Variants in ITGAX observed in about 807,000 individuals in gnomAD.
ITGAX encodes integrin alpha-X.
ITGAX carries 99 observed loss-of-function variants against 140.2 expected under a neutral mutation model. The observed-to-expected ratio is 0.71, with a 90% confidence interval of 0.60 to 0.83. The LOEUF is 0.83. Ranked by LOEUF, ITGAX falls within the 40% of genes least tolerant of loss-of-function variation. ITGAX has a pLI of 0.00. For missense variants in ITGAX, 1,444 were observed against 1,482.0 expected, an observed-to-expected ratio of 0.97 and a Z score of 0.42; for synonymous variants, 631 against 600.4, an observed-to-expected ratio of 1.05 and a Z score of -0.75.
At chr16:31,355,624 C>A (rs1043995390) in intron 1 of ITGAX, among the ~76,000 whole-genome samples, 1 of 152,188 alleles carries the variant, frequency 6.6e-6, no homozygotes, top group Non-Finnish European at 1.5e-5. Context: ...ACTCTCATAG[C>A]GCCCGAGGTG....
In ITGAX at chr16:31,371,473, C is replaced by T. The variant is rs771343742; in HGVS notation, c.1981C>T (p.Arg661Cys). The T allele has an allele frequency of 6.2e-6, 10 of 1,613,970 alleles. No homozygotes were observed. The highest frequency in any genetic ancestry group is 2.2e-5 in the East Asian group (1 of 44,888). The change falls in exon 16 of 30, where the codon CGT (arginine) becomes TGT (cysteine). Residue 661 changes from arginine (R) to cysteine (C), a missense_variant. By Grantham distance (180) the Arg-to-Cys change is radical. Coordinates refer to ENST00000268296, the MANE Select transcript of ITGAX (RefSeq NM_000887.5). Reference protein sequence around the residue: ...QSNICLYIDKRSKNLLGSRDL... With the variant: ...QSNICLYIDKCSKNLLGSRDL... ...CAACATCTGCCTTTACATTGACAAACGTTCTAAGAACCTGCTTGGGAGCCG... is the reference window on the plus strand; with the variant it reads ...CAACATCTGCCTTTACATTGACAAATGTTCTAAGAACCTGCTTGGGAGCCG...
intron 26 of ITGAX, 43 bp downstream of exon 26, chr16:31,380,108 C>A: frequency 6.3e-7 from 1 of 1,586,694 alleles, no homozygotes; most frequent in Non-Finnish European, 8.7e-7. Flanking sequence ...GGCCCCACAT[C>A]AGAGGAATTT....
rs112898028 is a variant in ITGAX, at chr16:31,361,105, A to G, written c.904A>G (p.Asn302Asp). 5 of 1,613,460 alleles carry G rather than the reference A, an allele frequency of 3.1e-6. No individual in the cohort carries two copies. Among genetic ancestry groups the G allele is most frequent in the African/African-American group, 1.3e-5 (1 of 74,894 alleles). Residue 302 changes from asparagine (N) to aspartate (D), a missense_variant, in exon 9 of 30, where the codon AAT becomes GAT. Transcript: ENST00000268296. ...FQNRNSWKEL[N>D]DIASKPSQEH... ...AAACAGAAATTCTTGGAAAGAATTA[A>G]ATGACATTGCATCGAAGCCCTCCCA...
At chr16:31,359,245 T>C (rs546080497) in intron 5 of ITGAX, among the ~76,000 whole-genome samples, 3 of 152,294 alleles carry the variant, frequency 2.0e-5, no homozygotes, top group South Asian at 2.1e-4. Context: ...CTCAGCTCAC[T>C]GCAACCTCCA....
At chr16:31,373,416 A>C (rs969432498) in intron 20 of ITGAX, 26 bp downstream of exon 20, 3 of 1,600,538 alleles carry the variant, frequency 1.9e-6, no homozygotes, top group African/African-American at 2.7e-5. Context: ...AAGGAGGAGG[A>C]GGCAGGGCTG....
In ITGAX at chr16:31,357,406, A is replaced by T. The variant is rs780864207; in HGVS notation, c.430+42A>T. On this transcript the variant is annotated intron_variant, in intron 5 of 29. Transcript: ENST00000268296. ...CCAAGGCTTTGAGGAGCTCACGCAC[A>T]TCCAATTGGGGGTGCGGTGGGCTAG... 168 of 1,309,704 alleles carry T rather than the reference A, an allele frequency of 1.3e-4. No homozygotes were observed. The Middle Eastern group carries it at 2.0e-3, about 16-fold the overall frequency. The allele number at this position is 1,309,704 out of a possible 1,614,324, so 81.1% of individuals were successfully genotyped here.
intron 23 of ITGAX, 36 bp from the exon 24 acceptor site, chr16:31,379,532 G>A: frequency 6.5e-7 from 1 of 1,545,992 alleles, no homozygotes; most frequent in Non-Finnish European, 8.8e-7. Context: ...ATGCCCCATG[G>A]TAGTTCACAT....
chr16:31,372,260 T>C, intron 17 of ITGAX, 118 bp from the exon 18 acceptor site: 1 of 1,191,518 alleles, frequency 8.4e-7, no homozygotes, highest in Non-Finnish European at 1.2e-6. Flanking sequence ...GAGCAGGCTC[T>C]GGAGGAAGCT....
chr16:31,366,359 G>C (rs1490947808), intron 14 of ITGAX, among the ~76,000 whole-genome samples: 1 of 152,186 alleles, frequency 6.6e-6, no homozygotes, highest in Non-Finnish European at 1.5e-5. Flanking sequence ...AAATGTGTGT[G>C]TTCTGACTGC....
Position 31,382,249 on chromosome 16 carries a change from C to CTTTTTTTTTTTTTTTCTTTTCT in ITGAX, c.*356_*357insTCTTTTCTTTTTTTTTTTTTTT. 1 of 658,768 alleles carries CTTTTTTTTTTTTTTTCTTTTCT rather than the reference C, an allele frequency of 1.5e-6. No homozygotes were observed. Among genetic ancestry groups the CTTTTTTTTTTTTTTTCTTTTCT allele is most frequent in the East Asian group, 9.9e-5 (1 of 10,106 alleles). The allele number at this position is 658,768 out of a possible 1,614,324, so 40.8% of individuals were successfully genotyped here. ...CTTTCTTTTTTTTTTTTTTTCTTTTCTTTTTTTTTTTTTTGAGACGGAGTC... is the reference window on the plus strand; with the variant it reads ...CTTTCTTTTTTTTTTTTTTTCTTTTCTTTTTTTTTTTTTTTCTTTTCTTTTTTTTTTTTTTTGAGACGGAGTC... On this transcript the variant is annotated 3_prime_UTR_variant, in exon 30 of 30. Transcript: ENST00000268296.
At chr16:31,362,438 G>A (rs1316515701) in intron 11 of ITGAX, among the ~76,000 whole-genome samples, 173 bp from the exon 12 acceptor site, 18 of 141,326 alleles carry the variant, frequency 1.3e-4, no homozygotes, top group African/African-American at 4.5e-4. Context: ...GATGGGCGCT[G>A]TGCTGCCTGG....
At chr16:31,381,109 G>T in intron 29 of ITGAX, 102 bp downstream of exon 29, 1 of 858,342 alleles carries the variant, frequency 1.2e-6, no homozygotes, top group South Asian at 1.6e-5. Flanking sequence ...ATTCTTACTG[G>T]GTCACTTCAT....
At position 31,379,999 on chromosome 16, in the gene ITGAX, C is replaced by T. The variant is rs1297658225; in HGVS notation, c.2994C>T (p.Cys998=). The T allele has an allele frequency of 1.9e-6, 3 of 1,614,156 alleles. No homozygotes were observed. Among genetic ancestry groups the T allele is most frequent in the African/African-American group, 2.7e-5 (2 of 75,052 alleles). The part of the protein sequence containing the change: ...VSHPQNPSLR[C]SSEKIAPPAS... The stretch of plus-strand genomic sequence containing the variant: ...TCCCCCAGAACCCATCCCTTCGGTG[C>T]TCCTCAGAGAAAATCGCACCCCCAG... Residue 998 remains cysteine (C), a synonymous_variant, in exon 26 of 30, where the codon TGC becomes TGT. Transcript: ENST00000268296.
At position 31,363,312 on chromosome 16, in the gene ITGAX, C is replaced by T. The variant is rs144712449; in HGVS notation, c.1648C>T (p.Arg550Trp). Residue 550 changes from arginine (R) to tryptophan (W), a missense_variant, in exon 14 of 30, where the codon CGG becomes TGG. Physicochemically the swap from Arg to Trp is moderately radical, Grantham distance 101 (BLOSUM62 -3). Coordinates refer to ENST00000268296, the MANE Select transcript of ITGAX (RefSeq NM_000887.5). ...CGGGGCCCCAGGAGAGGAGGAGAAC[C>T]GGGGTGCTGTCTACCTGTTTCACGG... ...VIGAPGEEEN[R>W]GAVYLFHGVL... 779 of 1,613,980 alleles carry T rather than the reference C, an allele frequency of 4.8e-4. 1 individual carries two copies. The highest frequency in any genetic ancestry group is 6.0e-4 in the Non-Finnish European group (703 of 1,179,932).
intron 13 of ITGAX, 23 bp from the exon 14 acceptor site, chr16:31,363,142 C>G (rs2080854277): frequency 6.2e-7 from 1 of 1,608,066 alleles, no homozygotes; most frequent in Non-Finnish European, 8.5e-7. Flanking sequence ...CGGGTTGGGC[C>G]TGGCACTGCT....
intron 2 of ITGAX, chr16:31,356,327 A>G: frequency 6.9e-6 from 3 of 433,866 alleles, no homozygotes; most frequent in Non-Finnish European, 1.2e-5. Context: ...ACAGGGTCTC[A>G]CTATGTTGCC....
At chr16:31,360,884 G>T in intron 8 of ITGAX, 179 bp from the exon 9 acceptor site, 2 of 607,284 alleles carry the variant, frequency 3.3e-6, no homozygotes, top group East Asian at 2.9e-5. Context: ...CTCTGCCCCA[G>T]ACTGGAGACC....
rs759287515 is a variant in ITGAX, at chr16:31,373,398, C to T, written c.2508+8C>T. Reference sequence around the variant, plus strand: ...TACGTGGCAGAGGGCCAGGTGCACCCTCTGGGGAAGGAGGAGGAGGCAGGG... The same window carrying T: ...TACGTGGCAGAGGGCCAGGTGCACCTTCTGGGGAAGGAGGAGGAGGCAGGG... On this transcript the variant is annotated splice_region_variant and intron_variant, in intron 20 of 29. Coordinates refer to ENST00000268296, the MANE Select transcript of ITGAX (RefSeq NM_000887.5). 6.2e-6 allele frequency: 10 copies of T among 1,607,324 alleles called. No homozygotes were observed. The highest frequency in any genetic ancestry group is 4.5e-5 in the East Asian group (2 of 44,642).
rs146557303 is a variant in ITGAX at position 31,356,820 on chromosome 16, T to C, written c.247+92T>C. 281 of 995,676 alleles carry C rather than the reference T, an allele frequency of 2.8e-4. No homozygotes were observed. The African/African-American group carries it at 3.6e-3, about 13-fold the overall frequency. The allele number at this position is 995,676 out of a possible 1,614,324, so 61.7% of individuals were successfully genotyped here. On this transcript the variant is annotated intron_variant, in intron 3 of 29. Transcript: ENST00000268296. Reference sequence around the variant, plus strand: ...GACTCACCGGAGTGTCACTTTCAGCTTCCACTGTGTCTGAGACCCTCACCC... The same window carrying C: ...GACTCACCGGAGTGTCACTTTCAGCCTCCACTGTGTCTGAGACCCTCACCC...
Sources: gnomAD v4.1 joint callset for allele counts (sites outside exome capture counted in the v4.1 genomes callset) on GRCh38, gnomAD v4.1.1 for gene constraint, MANE v1.5 for transcripts, NCBI Gene and HGNC (gene_info 2026-07-23, HGNC 2026-07-21) for gene names.